TSHZ2: variants seen among roughly 807,000 people sequenced by gnomAD.
The protein encoded by TSHZ2 is teashirt zinc finger homeobox 2.
A neutral mutation model predicts 74.4 loss-of-function variants in TSHZ2; 21 were observed. The observed-to-expected ratio is 0.28, with a 90% CI of 0.20 to 0.41. The LOEUF is 0.41. TSHZ2 is among the 10% of genes least tolerant of loss of function. The pLI, the probability that TSHZ2 is intolerant of heterozygous loss-of-function variation, is 1.00. For missense variants in TSHZ2, 1,244 were observed against 1,293.5 expected, an observed-to-expected ratio of 0.96 and a Z score of 0.59; for synonymous variants, 540 against 515.3, an observed-to-expected ratio of 1.05 and a Z score of -0.65.
chr20:53,072,088 C>T (rs1044629749), intron 1 of TSHZ2, among the ~76,000 whole-genome samples: 8 of 152,160 alleles, frequency 5.3e-5, no homozygotes, highest in East Asian at 1.9e-4. Context: ...ATGTCAGTCG[C>T]GCGGAGGCTG....
intron 2 of TSHZ2, among the ~76,000 whole-genome samples, chr20:53,321,666 A>G (rs1020830973): frequency 8.3e-6 from 1 of 120,204 alleles, no homozygotes; most frequent in Non-Finnish European, 1.7e-5. Flanking sequence ...CCTGGGCAAC[A>G]GGGCGAGACT....
intron 1 of TSHZ2, among the ~76,000 whole-genome samples, chr20:53,190,109 A>T (rs1600731909): frequency 1.3e-5 from 1 of 74,414 alleles, no homozygotes; most frequent in East Asian, 4.9e-4. Context: ...ATATATATAT[A>T]TATATATATA....
chr20:53,004,944 C>G (rs192196983), intron 1 of TSHZ2, among the ~76,000 whole-genome samples: 29 of 152,210 alleles, frequency 1.9e-4, no homozygotes, highest in African/African-American at 7.0e-4. Flanking sequence ...ACCAAACAGC[C>G]AGTAAGTGAT....
intron 1 of TSHZ2, among the ~76,000 whole-genome samples, chr20:53,051,009 A>G (rs6068441): frequency 2.0e-5 from 3 of 152,098 alleles, no homozygotes; most frequent in African/African-American, 7.3e-5. Context: ...TGGGAACTAG[A>G]GCATTTAGTA....
At chr20:53,174,036 G>A (rs1011779587) in intron 1 of TSHZ2, among the ~76,000 whole-genome samples, 3 of 152,132 alleles carry the variant, frequency 2.0e-5, no homozygotes, top group African/African-American at 7.2e-5. Flanking sequence ...CTGACCACAG[G>A]GAAATTCAGG....
intron 1 of TSHZ2, among the ~76,000 whole-genome samples, chr20:53,119,909 A>G (rs547889653): frequency 6.6e-6 from 1 of 152,302 alleles, no homozygotes; most frequent in South Asian, 2.1e-4. Context: ...TTCTCATAAT[A>G]AGGAAGATGT....
chr20:53,468,902 T>C (rs1474145160), intron 2 of TSHZ2, among the ~76,000 whole-genome samples: 1 of 150,118 alleles, frequency 6.7e-6, no homozygotes, highest in East Asian at 1.9e-4. Context: ...AAGCCGACTA[T>C]CATGATCATG....
chr20:53,273,580 C>T lies in TSHZ2; in HGVS notation c.*8+17009C>T, dbSNP rs188168857. Among the ~76,000 whole-genome samples the T allele has an allele frequency of 1.1e-4, 17 of 152,306 alleles. No individual in the cohort carries two copies. In the East Asian group the frequency reaches 1.2e-3, roughly 10 times the overall value. ...CTGGGATTATAGGAATGAGCCACCA[C>T]GCCCAGCCTACTTTCATTTTTATAA... On this transcript the variant is annotated intron_variant, in intron 2 of 2. Coordinates refer to ENST00000371497, the MANE Select transcript of TSHZ2 (RefSeq NM_173485.6).
At chr20:53,276,375 C>T (rs2145427026) in intron 2 of TSHZ2, among the ~76,000 whole-genome samples, 1 of 152,226 alleles carries the variant, frequency 6.6e-6, no homozygotes, top group East Asian at 1.9e-4. Context: ...GTCTGCCAGC[C>T]AACTGGAATG....
chr20:53,008,009 T>G (rs1391020794), intron 1 of TSHZ2, among the ~76,000 whole-genome samples: 1 of 152,154 alleles, frequency 6.6e-6, no homozygotes, highest in African/African-American at 2.4e-5. Flanking sequence ...GAAAGCATTT[T>G]GTATCTCACA....
At chr20:52,985,602 A>T (rs1476368327) in intron 1 of TSHZ2, among the ~76,000 whole-genome samples, 1 of 152,182 alleles carries the variant, frequency 6.6e-6, no homozygotes, top group Non-Finnish European at 1.5e-5. Context: ...TCTTAAAATC[A>T]TCACCACGAT....
At chr20:53,436,390 C>T (rs1392963583) in intron 2 of TSHZ2, among the ~76,000 whole-genome samples, 1 of 152,030 alleles carries the variant, frequency 6.6e-6, no homozygotes, top group African/African-American at 2.4e-5. Flanking sequence ...AAAACCAAAC[C>T]CAGAAGCTCA....
At chr20:53,010,381 A>G (rs1375399354) in intron 1 of TSHZ2, among the ~76,000 whole-genome samples, 1 of 152,018 alleles carries the variant, frequency 6.6e-6, no homozygotes, top group African/African-American at 2.4e-5. Context: ...ACACACTCCT[A>G]AAGGAAGCAA....
intron 1 of TSHZ2, among the ~76,000 whole-genome samples, chr20:52,999,675 A>G (rs890846618): frequency 3.9e-5 from 6 of 152,126 alleles, no homozygotes; most frequent in Non-Finnish European, 7.4e-5. Context: ...CTGGTTTGTG[A>G]CTGGAATCAT....
intron 2 of TSHZ2, among the ~76,000 whole-genome samples, chr20:53,446,578 C>CAA (rs5841946): frequency 4.8e-4 from 51 of 105,820 alleles, no homozygotes; most frequent in African/African-American, 1.5e-3. Context: ...GACTCTGTCG[C>CAA]AAAAAAAAAA....
chr20:53,424,906 T>A (rs918462587), intron 2 of TSHZ2, among the ~76,000 whole-genome samples: 4 of 152,228 alleles, frequency 2.6e-5, no homozygotes, highest in Non-Finnish European at 5.9e-5. Context: ...CATTCCTTTT[T>A]ATAGCTGCAT....
chr20:53,407,920 A>C (rs919005443), intron 2 of TSHZ2, among the ~76,000 whole-genome samples: 1 of 152,064 alleles, frequency 6.6e-6, no homozygotes, highest in African/African-American at 2.4e-5. Flanking sequence ...CTATTCTTTA[A>C]TTTTTTCCAA....
intron 2 of TSHZ2, among the ~76,000 whole-genome samples, chr20:53,316,463 G>T (rs73152717): frequency 0.09 from 13,725 of 152,102 alleles, 969 homozygotes; most frequent in East Asian, 0.29. Flanking sequence ...GAGAAATGAT[G>T]AAACAATTCA....
chr20:53,107,583 A>G (rs755600586), intron 1 of TSHZ2, among the ~76,000 whole-genome samples: 3 of 152,228 alleles, frequency 2.0e-5, no homozygotes, highest in Non-Finnish European at 4.4e-5. Context: ...GGTGTGTAAT[A>G]GCATCTAGGA....
Sources: allele counts gnomAD v4.1 joint callset (sites outside exome capture counted in the v4.1 genomes callset), GRCh38; gene constraint gnomAD v4.1.1; transcripts MANE v1.5; gene names NCBI Gene and HGNC (gene_info 2026-07-23, HGNC 2026-07-21).